Variants in DIP2B observed in about 807,000 individuals in gnomAD.
DIP2B encodes disco-interacting protein 2 homolog B.
Under a neutral mutation model 198.0 loss-of-function variants are expected in DIP2B, and 76 were observed. The ratio of observed to expected loss-of-function variants is 0.38; its 90% CI spans 0.32 to 0.46. DIP2B has a LOEUF of 0.46. Among genes scored for constraint, DIP2B ranks in the 20% least tolerant of loss-of-function variants. DIP2B has a pLI of 0.99. For missense variants in DIP2B, 1,559 were observed against 1,978.4 expected (o/e 0.79, Z 4.02); for synonymous variants, 701 against 739.1 (o/e 0.95, Z 0.84).
intron 1 of DIP2B, among the ~76,000 whole-genome samples, chr12:50,516,174 C>T (rs187376961): frequency 2.6e-5 from 4 of 151,944 alleles, no homozygotes; most frequent in African/African-American, 9.7e-5. Context: ...TGTTCATGAG[C>T]ACTCCTCTTT....
At chr12:50,735,605 C>T (rs1940125238) in intron 34 of DIP2B, among the ~76,000 whole-genome samples, 2 of 152,080 alleles carry the variant, frequency 1.3e-5, no homozygotes, top group African/African-American at 2.4e-5. Flanking sequence ...GCCGGGGTTA[C>T]AGGCACCTGC....
intron 32 of DIP2B, among the ~76,000 whole-genome samples, chr12:50,733,879 T>C (rs75705586): frequency 2.0e-3 from 297 of 152,298 alleles, no homozygotes; most frequent in African/African-American, 6.9e-3. Context: ...AATACTGGTT[T>C]TGCAAGTCCC....
chr12:50,697,215 A>G (rs1356913347), intron 17 of DIP2B, 40 bp downstream of exon 17: 1 of 1,573,992 alleles, frequency 6.4e-7, no homozygotes, highest in Non-Finnish European at 8.7e-7. Context: ...TGTATGTTAC[A>G]ACTTGGATGA....
intron 29 of DIP2B, 68 bp downstream of exon 29, chr12:50,727,880 T>C (rs553510657): frequency 4.1e-5 from 57 of 1,380,858 alleles, no homozygotes; most frequent in Middle Eastern, 1.8e-4. Context: ...CCAGAAACTA[T>C]AGATGCAGAG....
chr12:50,712,847 G>T (rs983921268), intron 22 of DIP2B, among the ~76,000 whole-genome samples: 3 of 152,200 alleles, frequency 2.0e-5, no homozygotes, highest in Admixed American at 1.3e-4. Context: ...GGCGGAGGTT[G>T]CAGTGAGCTG....
At chr12:50,573,644 T>C (rs1182415731) in intron 1 of DIP2B, among the ~76,000 whole-genome samples, 1 of 152,204 alleles carries the variant, frequency 6.6e-6, no homozygotes, top group Non-Finnish European at 1.5e-5. Context: ...ATTTTTCTAA[T>C]GGAATCCCAT....
intron 15 of DIP2B, 147 bp from the exon 16 acceptor site, chr12:50,695,701 T>G: frequency 8.9e-7 from 1 of 1,119,732 alleles, no homozygotes; most frequent in East Asian, 2.5e-5. Context: ...GCCTCTGAGC[T>G]ATTGGCACAA....
At chr12:50,522,412 T>A (rs1429328567) in intron 1 of DIP2B, among the ~76,000 whole-genome samples, 2 of 152,146 alleles carry the variant, frequency 1.3e-5, no homozygotes, top group African/African-American at 4.8e-5. Flanking sequence ...CAGCTCAGGG[T>A]ACAAGACGGG....
intron 1 of DIP2B, among the ~76,000 whole-genome samples, chr12:50,593,363 G>A (rs1307732591): frequency 6.6e-6 from 1 of 152,058 alleles, no homozygotes; most frequent in East Asian, 1.9e-4. Context: ...AAATTAGCTA[G>A]GCGTGGTGAC....
intron 5 of DIP2B, among the ~76,000 whole-genome samples, chr12:50,671,642 G>A (rs1298949773): frequency 2.0e-5 from 3 of 152,294 alleles, no homozygotes; most frequent in Non-Finnish European, 4.4e-5. Context: ...ATTTCCATAA[G>A]CAATGCTCAA....
At chr12:50,607,416 A>G (rs1429480775) in intron 1 of DIP2B, among the ~76,000 whole-genome samples, 4 of 152,196 alleles carry the variant, frequency 2.6e-5, no homozygotes, top group African/African-American at 9.6e-5. Flanking sequence ...GGAATGGAAG[A>G]TCTAGACATT....
Position 50,747,465 on chromosome 12 carries a change from G to C in DIP2B, c.*2626G>C, listed in dbSNP as rs559220256. The C allele has an allele frequency of 2.0e-5, 3 of 152,344 alleles. No homozygotes were observed. The East Asian group carries it at 5.8e-4, about 29-fold the overall frequency. 9.4% of individuals were successfully genotyped at this position (152,344 alleles called of 1,614,324 possible). On this transcript the variant is annotated 3_prime_UTR_variant, in exon 38 of 38. Transcript: ENST00000301180. ...TTGAGGAACTTCATCAGTAACTCTG[G>C]TAAAGCATCCTGTGGAGGGAGAGGA...
chr12:50,530,144 T>TGGAGTG (rs1958203033), intron 1 of DIP2B, among the ~76,000 whole-genome samples: 2 of 152,132 alleles, frequency 1.3e-5, no homozygotes, highest in Non-Finnish European at 2.9e-5. Context: ...TGGCGCGATC[T>TGGAGTG]CGGCTCACTG....
chr12:50,724,531 A>T (rs574382827), intron 27 of DIP2B, among the ~76,000 whole-genome samples: 79 of 152,346 alleles, frequency 5.2e-4, no homozygotes, highest in African/African-American at 1.9e-3. Context: ...ATACTTTGAG[A>T]ATCACTGTTA....
At chr12:50,668,119 C>T (rs369215201) in intron 4 of DIP2B, among the ~76,000 whole-genome samples, 16 of 152,164 alleles carry the variant, frequency 1.1e-4, no homozygotes, top group African/African-American at 3.1e-4. Context: ...CTCTACCTGA[C>T]GCTGCACTCT....
At chr12:50,700,687 C>T (rs537161320) in intron 19 of DIP2B, among the ~76,000 whole-genome samples, 21 of 152,280 alleles carry the variant, frequency 1.4e-4, no homozygotes, top group African/African-American at 5.1e-4. Flanking sequence ...AAATGTCTTT[C>T]TCATAACTAT....
chr12:50,697,035 C>T, intron 16 of DIP2B, 26 bp from the exon 17 acceptor site: 1 of 1,554,120 alleles, frequency 6.4e-7, no homozygotes, highest in Non-Finnish European at 8.8e-7. Context: ...ATTTCAGCTT[C>T]AGGTTGATCT....
At chr12:50,568,171 G>A (rs531995144) in intron 1 of DIP2B, among the ~76,000 whole-genome samples, 2 of 152,284 alleles carry the variant, frequency 1.3e-5, no homozygotes, top group South Asian at 2.1e-4. Flanking sequence ...TGGGACTTGG[G>A]AGTGTCTTAT....
At chr12:50,589,874 A>T (rs1958803582) in intron 1 of DIP2B, among the ~76,000 whole-genome samples, 1 of 152,192 alleles carries the variant, frequency 6.6e-6, no homozygotes, top group South Asian at 2.1e-4. Context: ...ATATATGCTA[A>T]TCGGGGATTA....
Sources: gnomAD v4.1 joint callset for allele counts (sites outside exome capture counted in the v4.1 genomes callset) on GRCh38, gnomAD v4.1.1 for gene constraint, MANE v1.5 for transcripts, NCBI Gene and HGNC (gene_info 2026-07-23, HGNC 2026-07-21) for gene names.